Variants in IMMP1L observed in about 807,000 individuals in gnomAD.
The protein encoded by IMMP1L is mitochondrial inner membrane protease subunit 1.
In IMMP1L, 24 loss-of-function variants were observed where a neutral mutation model predicts 21.8. The ratio of observed to expected loss-of-function variants is 1.10; its 90% CI spans 0.80 to 1.55. IMMP1L has a LOEUF of 1.55. IMMP1L is among the 40% of genes most tolerant of loss of function. The pLI is 0.00. For missense variants in IMMP1L, 195 were observed against 200.7 expected, an observed-to-expected ratio of 0.97 and a Z score of 0.17; for synonymous variants, 46 against 62.8, an observed-to-expected ratio of 0.73 and a Z score of 1.26.
At chr11:31,438,299 G>C (rs534791797) in intron 4 of IMMP1L, among the ~76,000 whole-genome samples, 10 of 152,248 alleles carry the variant, frequency 6.6e-5, no homozygotes, top group Non-Finnish European at 1.3e-4. Flanking sequence ...GCACTTCTCT[G>C]ATGAAAGCAT....
intron 1 of IMMP1L, among the ~76,000 whole-genome samples, chr11:31,483,888 A>C (rs1332743885): frequency 6.6e-6 from 1 of 151,908 alleles, no homozygotes; most frequent in Non-Finnish European, 1.5e-5. Context: ...TATACATCTC[A>C]TATCTCCCAA....
At chr11:31,455,867 T>C (rs552853065) in intron 4 of IMMP1L, among the ~76,000 whole-genome samples, 1 of 152,290 alleles carries the variant, frequency 6.6e-6, no homozygotes, top group African/African-American at 2.4e-5. Context: ...TGTTGATATG[T>C]AGTGTTATGA....
intron 4 of IMMP1L, chr11:31,437,121 T>C (rs960861502): frequency 2.2e-6 from 1 of 444,494 alleles, no homozygotes; most frequent in East Asian, 7.0e-5. Context: ...TCCACCTCTA[T>C]AAGTTGCAGG....
chr11:31,505,143 G>A lies in IMMP1L; in HGVS notation c.-30+4376C>T, dbSNP rs534422192. Among the ~76,000 whole-genome samples the A allele has an allele frequency of 1.9e-3, 283 of 152,262 alleles. 1 individual carries two copies. The highest frequency in any genetic ancestry group is 3.1e-3 in the Non-Finnish European group (210 of 68,028). Reference sequence around the variant, plus strand: ...TGAAGCCACTGAAAAAACAACTGAAGAGGTGTCCACTTGTATCAGAAGGTG... The same window carrying A: ...TGAAGCCACTGAAAAAACAACTGAAAAGGTGTCCACTTGTATCAGAAGGTG... On this transcript the variant is annotated intron_variant, in intron 1 of 5. Transcript: ENST00000532287.
chr11:31,457,374 CCA>C (rs1001663286), intron 3 of IMMP1L, among the ~76,000 whole-genome samples: 24 of 152,160 alleles, frequency 1.6e-4, no homozygotes, highest in African/African-American at 5.5e-4. Flanking sequence ...GGACTAATGA[CCA>C]CAGTCAAACA....
chr11:31,507,890 A>T (rs1469640554), intron 1 of IMMP1L, among the ~76,000 whole-genome samples: 20 of 152,244 alleles, frequency 1.3e-4, no homozygotes, highest in Middle Eastern at 3.2e-3. Flanking sequence ...AGCTAGATTT[A>T]ACGATTCCGG....
At chr11:31,473,779 T>C in intron 1 of IMMP1L, 1 of 984,554 alleles carries the variant, frequency 1.0e-6, no homozygotes, top group Non-Finnish European at 1.2e-6. Flanking sequence ...TGTTCAGGTC[T>C]GAAATTCCTT....
At chr11:31,465,853 C>T (rs929789972) in intron 1 of IMMP1L, among the ~76,000 whole-genome samples, 1 of 151,928 alleles carries the variant, frequency 6.6e-6, no homozygotes, top group Non-Finnish European at 1.5e-5. Flanking sequence ...GGAAACACTT[C>T]AAGACATTGG....
chr11:31,454,719 C>T (rs1953883100), intron 4 of IMMP1L, among the ~76,000 whole-genome samples: 1 of 152,122 alleles, frequency 6.6e-6, no homozygotes, highest in Non-Finnish European at 1.5e-5. Flanking sequence ...GTTATCTTCT[C>T]TGATTACTTA....
At chr11:31,440,510 C>T (rs1953287472) in intron 4 of IMMP1L, among the ~76,000 whole-genome samples, 1 of 152,158 alleles carries the variant, frequency 6.6e-6, no homozygotes, top group Non-Finnish European at 1.5e-5. Flanking sequence ...CCTGCCTCAG[C>T]CTCCTGAGTA....
intron 1 of IMMP1L, among the ~76,000 whole-genome samples, chr11:31,506,036 C>A (rs545557308): frequency 6.6e-6 from 1 of 152,094 alleles, no homozygotes; most frequent in Admixed American, 6.6e-5. Flanking sequence ...GGTCGACACC[C>A]CTGATCCGCA....
intron 3 of IMMP1L, among the ~76,000 whole-genome samples, chr11:31,457,270 C>G (rs1446037133): frequency 2.6e-5 from 4 of 151,928 alleles, no homozygotes; most frequent in African/African-American, 7.3e-5. Flanking sequence ...TGATTACATA[C>G]AGAAGTCATG....
intron 4 of IMMP1L, among the ~76,000 whole-genome samples, chr11:31,440,496 T>C (rs915178171): frequency 6.6e-6 from 1 of 152,174 alleles, no homozygotes; most frequent in Non-Finnish European, 1.5e-5. Flanking sequence ...GCTCAAGCGA[T>C]TCTCCTGCCT....
chr11:31,448,911 T>A, intron 4 of IMMP1L: 1 of 982,658 alleles, frequency 1.0e-6, no homozygotes, highest in Non-Finnish European at 1.2e-6. Context: ...TCTTCAGAAT[T>A]GTGTTAGCTA....
intron 1 of IMMP1L, among the ~76,000 whole-genome samples, chr11:31,465,398 A>G (rs1444144076): frequency 6.6e-6 from 1 of 152,148 alleles, no homozygotes; most frequent in Non-Finnish European, 1.5e-5. Flanking sequence ...TAAAGATTCA[A>G]TGCAATCTCT....
chr11:31,434,264 A>T (rs938671351), intron 4 of IMMP1L, among the ~76,000 whole-genome samples: 1 of 152,190 alleles, frequency 6.6e-6, no homozygotes, highest in Non-Finnish European at 1.5e-5. Context: ...TTCTATGTAT[A>T]AACTGGTAAA....
intron 1 of IMMP1L, among the ~76,000 whole-genome samples, chr11:31,479,123 T>C (rs1371025431): frequency 2.0e-5 from 3 of 152,030 alleles, no homozygotes; most frequent in African/African-American, 7.2e-5. Flanking sequence ...TGTGAAGACG[T>C]TGTAAGTTTT....
intron 1 of IMMP1L, among the ~76,000 whole-genome samples, chr11:31,479,104 A>T (rs1477870244): frequency 6.6e-6 from 1 of 152,060 alleles, no homozygotes; most frequent in Non-Finnish European, 1.5e-5. Flanking sequence ...TCCAGAATAA[A>T]TCTAAGGATG....
At chr11:31,483,556 G>A (rs1315011924) in intron 1 of IMMP1L, among the ~76,000 whole-genome samples, 1 of 151,914 alleles carries the variant, frequency 6.6e-6, no homozygotes, top group Admixed American at 6.6e-5. Context: ...CATGTATTCA[G>A]AGATATCCAG....
Sources: gnomAD v4.1 joint callset for allele counts (sites outside exome capture counted in the v4.1 genomes callset) on GRCh38, gnomAD v4.1.1 for gene constraint, MANE v1.5 for transcripts, NCBI Gene and HGNC (gene_info 2026-07-23, HGNC 2026-07-21) for gene names.